ZFP64: variants seen among roughly 807,000 people sequenced by gnomAD.
The protein encoded by ZFP64 is zinc finger protein 64.
A neutral mutation model predicts 51.6 loss-of-function variants in ZFP64; 14 were observed. The ratio of observed to expected loss-of-function variants is 0.27; its 90% CI spans 0.18 to 0.42. The LOEUF is 0.42. Among genes scored for constraint, ZFP64 ranks in the 10% least tolerant of loss-of-function variants. ZFP64 has a pLI of 1.00. For synonymous variants in ZFP64, 375 were observed against 361.4 expected, an observed-to-expected ratio of 1.04 and a Z score of -0.43; for missense variants, 754 against 906.8, an observed-to-expected ratio of 0.83 and a Z score of 2.16.
At chr20:52,156,664 T>A (rs1243346825) in intron 5 of ZFP64, among the ~76,000 whole-genome samples, 1 of 152,212 alleles carries the variant, frequency 6.6e-6, no homozygotes, top group East Asian at 1.9e-4. Context: ...AGACAATGGA[T>A]ACAGATATTG....
At chr20:52,084,247 G>T (rs57325871) in exon 9 of ZFP64, 111 of 318,872 alleles carry the variant, frequency 3.5e-4, no homozygotes, top group African/African-American at 2.2e-3. Flanking sequence ...TTTAAAATTG[G>T]AATCCGTTAC....
chr20:52,124,108 G>C (rs1025444931), intron 5 of ZFP64, among the ~76,000 whole-genome samples: 1 of 151,018 alleles, frequency 6.6e-6, no homozygotes, highest in African/African-American at 2.4e-5. Context: ...CTGACCTTGC[G>C]ATCCGCCTGC....
Position 52,152,985 on chromosome 20 carries a change from G to C in ZFP64, c.1207C>G (p.Leu403Val), listed in dbSNP as rs752698257. 15 of 1,613,770 alleles carry C rather than the reference G, an allele frequency of 9.3e-6. No homozygotes were observed. Among genetic ancestry groups the C allele is most frequent in the Non-Finnish European group, 1.3e-5 (15 of 1,180,050 alleles). The change falls in exon 6 of 6, where the codon CTA becomes GTA. Residue 403 changes from leucine to valine, a missense_variant. Around this residue, in one of 3 missense-constraint regions of ZFP64, gnomAD observed 428 missense variants for 472.4 expected, o/e 0.91. Transcript: ENST00000216923. The part of the protein sequence containing the change: ...FHGDMVKTEA[L>V]ERKDTGRQSS... ...TGCCTGCCGGTGTCCTTCCTCTCTA[G>C]AGCCTCAGTCTTAACCATGTCCCCA...
At chr20:52,097,050 C>T in intron 7 of ZFP64, 1 of 665,972 alleles carries the variant, frequency 1.5e-6, no homozygotes, top group Non-Finnish European at 2.9e-6. Context: ...GTAATCCTGG[C>T]ATAGATTATG....
chr20:52,190,544 C>T (rs1984293550), intron 1 of ZFP64, among the ~76,000 whole-genome samples: 1 of 152,094 alleles, frequency 6.6e-6, no homozygotes, highest in South Asian at 2.1e-4. Context: ...GCACAGTCCC[C>T]CCTCCCCGCC....
intron 2 of ZFP64, among the ~76,000 whole-genome samples, chr20:52,166,636 G>A (rs1470222935): frequency 6.6e-6 from 1 of 151,822 alleles, no homozygotes; most frequent in Non-Finnish European, 1.5e-5. Flanking sequence ...TGTATTTTTT[G>A]TAAAGACTGG....
Position 52,152,226 on chromosome 20 carries a change from G to A in ZFP64, c.1966C>T (p.Leu656=). ...ATGATGGAGTAGGTCTGCTTGGGTA[G>A]TTCTTGCTGGGAAGAGGAGGAGAAG... ...PVFSSSSQQE[L]PKQTYSIIQG... Residue 656 remains leucine, a synonymous_variant, in exon 6 of 6, where the codon CTA becomes TTA. Transcript: ENST00000216923. 1 of 1,614,178 alleles carries A rather than the reference G, an allele frequency of 6.2e-7. No individual in the cohort carries two copies. The highest frequency in any genetic ancestry group is 1.1e-5 in the South Asian group (1 of 91,084).
At chr20:52,184,867 A>G (rs1037360413) in intron 2 of ZFP64, among the ~76,000 whole-genome samples, 2 of 152,040 alleles carry the variant, frequency 1.3e-5, no homozygotes, top group Admixed American at 1.3e-4. Context: ...GCCTCAAGTG[A>G]TCCTCCAGCC....
At chr20:52,105,364 G>T (rs748388573) in intron 5 of ZFP64, 1 of 1,240,870 alleles carries the variant, frequency 8.1e-7, no homozygotes, top group Non-Finnish European at 1.0e-6. Flanking sequence ...CTCATCAGCC[G>T]AGCAGGGCGA....
rs552428083 is a variant in ZFP64, at chr20:52,166,702, T to C, written c.287-677A>G. Among the ~76,000 whole-genome samples, 67 of 152,274 alleles carry C rather than the reference T, an allele frequency of 4.4e-4. 1 individual carries two copies. Among genetic ancestry groups the C allele is most frequent in the Admixed American group, 1.4e-3 (22 of 15,298 alleles). On this transcript the variant is annotated intron_variant, in intron 2 of 5. Coordinates refer to ENST00000216923, the MANE Select transcript of ZFP64 (RefSeq NM_018197.3). The stretch of plus-strand genomic sequence containing the variant: ...AACTCCTGAGCTCAAGTGATCTACC[T>C]GTCTCTGCCTCCCACATTGTTAACT...
chr20:52,166,067 C>T, intron 2 of ZFP64, 42 bp from the exon 3 acceptor site: 1 of 1,567,194 alleles, frequency 6.4e-7, no homozygotes, highest in Non-Finnish European at 8.6e-7. Context: ...ATATAAATGC[C>T]CGCTAGCTAT....
In ZFP64 at chr20:52,111,000, G is replaced by A. The variant is rs892517800; in HGVS notation, c.764-12413C>T. On this transcript the variant is annotated intron_variant, in intron 5 of 8. Transcript: ENST00000361387. ...TTTTGGGAATGACCTTGTAGAAAGT[G>A]ACCGTATCCAGGGGAAGGGCGCGCT... 8.0e-6 allele frequency: 12 copies of A among 1,500,308 alleles called. No homozygotes were observed. The African/African-American group carries it at 1.1e-4, about 14-fold the overall frequency. 92.9% of individuals were successfully genotyped at this position (1,500,308 alleles called of 1,614,324 possible). A position where few individuals can be genotyped will look rare whatever the true frequency, so the allele number is the denominator to read the frequency against.
At chr20:52,183,467 G>A (rs999230329) in intron 2 of ZFP64, among the ~76,000 whole-genome samples, 1 of 152,148 alleles carries the variant, frequency 6.6e-6, no homozygotes, top group African/African-American at 2.4e-5. Flanking sequence ...ACGATAAGGG[G>A]CAAAACACAT....
intron 5 of ZFP64, chr20:52,110,644 A>G (rs1042997296): frequency 8.4e-7 from 1 of 1,191,686 alleles, no homozygotes; most frequent in African/African-American, 1.5e-5. Flanking sequence ...AGGGTGTCCT[A>G]TGCAGCTGGC....
intron 7 of ZFP64, among the ~76,000 whole-genome samples, chr20:52,089,411 A>T (rs2078898187): frequency 1.3e-5 from 2 of 152,200 alleles, no homozygotes; most frequent in Non-Finnish European, 2.9e-5. Context: ...GTAGGTCATC[A>T]TACATTTGTC....
At chr20:52,185,635 C>T (rs947525194) in intron 2 of ZFP64, among the ~76,000 whole-genome samples, 9 of 140,224 alleles carry the variant, frequency 6.4e-5, no homozygotes, top group African/African-American at 8.1e-5. Flanking sequence ...GGCTGGAGTG[C>T]GATGGCACGA....
At position 52,098,570 on chromosome 20, in the gene ZFP64, C is replaced by A. The variant is rs763730131; in HGVS notation, c.781G>T (p.Asp261Tyr). The A allele has an allele frequency of 1.9e-6, 3 of 1,613,966 alleles. No homozygotes were observed. The African/African-American group carries it at 4.0e-5, about 22-fold the overall frequency. Reference sequence around the variant, plus strand: ...GAGAGGCAGTTTGCTTTTGGAACATCATCATCAAGTTCTGAAGCTGAAATT... The same window carrying A: ...GAGAGGCAGTTTGCTTTTGGAACATAATCATCAAGTTCTGAAGCTGAAATT... Residue 261 changes from aspartate to tyrosine, a missense_variant, in exon 6 of 9, where the codon GAT (aspartate) becomes TAT (tyrosine). By Grantham distance (160) the Asp-to-Tyr change is radical (BLOSUM62 -3). Transcript: ENST00000361387.
rs2123151558 is a variant in ZFP64 at position 52,191,444 on chromosome 20, C to T, written c.46+147G>A. On this transcript the variant is annotated intron_variant, in intron 1 of 5. Transcript: ENST00000216923. This position sits in a 1 kb window ranked among gnomAD's most constrained non-coding sequence, Gnocchi z 4.3. ...TCCGGCGCCCCCTGCACAGCGCGCC[C>T]GCCGCGGTCCCCGAGACGCGGCTCC... 9.3e-7 allele frequency: 1 copy of T among 1,080,816 alleles called. No individual in the cohort carries two copies. Among genetic ancestry groups the T allele is most frequent in the Non-Finnish European group, 1.2e-6 (1 of 821,856 alleles). The allele number at this position is 1,080,816 out of a possible 1,614,324, so 67.0% of individuals were successfully genotyped here. A position where few individuals can be genotyped will look rare whatever the true frequency, so the allele number is the denominator to read the frequency against.
chr20:52,086,500 CAG>C (rs1417058405), intron 8 of ZFP64, among the ~76,000 whole-genome samples: 1 of 138,416 alleles, frequency 7.2e-6, no homozygotes, highest in Non-Finnish European at 1.5e-5. Flanking sequence ...TTTTTTGATA[CAG>C]AGTCTCACTC....
Sources: allele counts gnomAD v4.1 joint callset (sites outside exome capture counted in the v4.1 genomes callset), GRCh38; gene constraint gnomAD v4.1.1; regional missense constraint gnomAD v4.1.1; non-coding constraint Gnocchi (gnomAD v3.1); transcripts MANE v1.5; gene names NCBI Gene and HGNC (gene_info 2026-07-23, HGNC 2026-07-21).